Variants in TAFA5 observed in about 807,000 individuals in gnomAD.
The protein encoded by TAFA5 is TAFA chemokine like family member 5, also known as chemokine-like protein TAFA-5.
TAFA5 carries 6 observed loss-of-function variants against 15.3 expected under a neutral mutation model. That is an observed-to-expected ratio of 0.39 (90% CI 0.21 to 0.77). TAFA5 has a LOEUF of 0.77. Ranked by LOEUF, TAFA5 falls within the 30% of genes least tolerant of loss-of-function variation. The pLI, the probability that TAFA5 is intolerant of heterozygous loss-of-function variation, is 0.41. For synonymous variants in TAFA5, 103 were observed against 80.7 expected, an observed-to-expected ratio of 1.28 and a Z score of -1.48; for missense variants, 161 against 193.1, an observed-to-expected ratio of 0.83 and a Z score of 0.98.
chr22:48,722,507 T>C (rs1312130509), intron 3 of TAFA5, among the ~76,000 whole-genome samples: 2 of 149,254 alleles, frequency 1.3e-5, no homozygotes, highest in Non-Finnish European at 3.0e-5. Context: ...AGTTGAACAA[T>C]GAGAACACAT....
intron 1 of TAFA5, among the ~76,000 whole-genome samples, chr22:48,522,293 C>T (rs901863402): frequency 7.2e-5 from 11 of 151,796 alleles, no homozygotes; most frequent in African/African-American, 2.4e-4. Flanking sequence ...GTGGGAAGGG[C>T]GGCAGCTGCC....
At chr22:48,686,445 C>T (rs1222262515) in intron 2 of TAFA5, among the ~76,000 whole-genome samples, 1 of 152,194 alleles carries the variant, frequency 6.6e-6, no homozygotes, top group African/African-American at 2.4e-5. Flanking sequence ...TTTGTAAGGG[C>T]ACTAATTTCA....
Position 48,550,012 on chromosome 22 carries a change from C to T in TAFA5, c.112+60308C>T. On this transcript the variant is annotated intron_variant, in intron 1 of 3. Coordinates refer to ENST00000402357, the MANE Select transcript of TAFA5 (RefSeq NM_001082967.3). This position sits in a 1 kb window ranked among gnomAD's most constrained non-coding sequence, Gnocchi z 4.1. ...CACCCTGTCAGGTACTGTCACATCC[C>T]TCTCCTTCTCAAAGAGAAACCGAGT... Among the ~76,000 whole-genome samples the T allele has an allele frequency of 6.6e-6, 1 of 152,216 alleles. No individual in the cohort carries two copies. The highest frequency in any genetic ancestry group is 2.4e-5 in the African/African-American group (1 of 41,462).
chr22:48,550,135 G>A lies in TAFA5; in HGVS notation c.112+60431G>A, dbSNP rs1156554685. ...GAACTTTGGGGTATGCTGGGCATGG[G>A]TGTAGCAGCCTGTGTGTGTCCACCC... On this transcript the variant is annotated intron_variant, in intron 1 of 3. Transcript: ENST00000402357. The surrounding 1 kb of genome is among the most constrained non-coding windows in gnomAD (Gnocchi z 4.1). Among the ~76,000 whole-genome samples, 2 of 152,234 alleles carry A rather than the reference G, an allele frequency of 1.3e-5. No homozygotes were observed. The highest frequency in any genetic ancestry group is 2.4e-5 in the African/African-American group (1 of 41,462).
At chr22:48,564,820 A>G (rs947368310) in intron 1 of TAFA5, among the ~76,000 whole-genome samples, 11 of 152,180 alleles carry the variant, frequency 7.2e-5, no homozygotes, top group African/African-American at 2.7e-4. Flanking sequence ...TCAGCTGACT[A>G]TAACCAGCAT....
rs557452747 is a variant in TAFA5, at chr22:48,646,871, C to A, written c.262+125C>A. On this transcript the variant is annotated intron_variant, in intron 2 of 3. Transcript: ENST00000402357. ...GCCTCAGCGCATCCTCGGGTCAGGCCCCTGGCTGTTGGCACAGCTGTTCCC... is the reference window on the plus strand; with the variant it reads ...GCCTCAGCGCATCCTCGGGTCAGGCACCTGGCTGTTGGCACAGCTGTTCCC... 7.9e-4 allele frequency: 977 copies of A among 1,242,846 alleles called. 13 individuals are homozygous for A. In the South Asian group the frequency reaches 0.014, roughly 18 times the overall value. 77.0% of individuals were successfully genotyped at this position (1,242,846 alleles called of 1,614,324 possible).
At chr22:48,662,136 C>T (rs571292567) in intron 2 of TAFA5, among the ~76,000 whole-genome samples, 1 of 152,220 alleles carries the variant, frequency 6.6e-6, no homozygotes, top group East Asian at 1.9e-4. Flanking sequence ...TCCAGGTGGA[C>T]GTGGGGCTGG....
rs961531511 is a variant in TAFA5, at chr22:48,750,069, G to A, written c.*222G>A. On this transcript the variant is annotated 3_prime_UTR_variant, in exon 4 of 4. Transcript: ENST00000402357. ...GGACTCAGACACATAGGCGGGGGGC[G>A]GCACCTGGCATCAGCAATACGCAGT... The A allele has an allele frequency of 4.2e-5, 25 of 592,160 alleles. No homozygotes were observed. Among genetic ancestry groups the A allele is most frequent in the South Asian group, 6.0e-5 (3 of 49,726 alleles). The allele number at this position is 592,160 out of a possible 1,614,324, so 36.7% of individuals were successfully genotyped here.
intron 3 of TAFA5, among the ~76,000 whole-genome samples, chr22:48,731,419 A>G (rs1213109924): frequency 1.3e-5 from 2 of 152,238 alleles, no homozygotes; most frequent in East Asian, 1.9e-4. Flanking sequence ...AGAGCCTTCT[A>G]TTGCAAGAAG....
chr22:48,525,585 C>T (rs1921753753), intron 1 of TAFA5, among the ~76,000 whole-genome samples: 1 of 152,230 alleles, frequency 6.6e-6, no homozygotes, highest in African/African-American at 2.4e-5. Context: ...CAGCGGTCCC[C>T]AGGCTTGAGC....
chr22:48,493,736 C>T (rs1019592138), intron 1 of TAFA5, among the ~76,000 whole-genome samples: 34 of 152,248 alleles, frequency 2.2e-4, no homozygotes, highest in African/African-American at 7.0e-4. Context: ...ACATCCATGC[C>T]CTAGGCTCAG....
chr22:48,553,891 C>T (rs892743829), intron 1 of TAFA5, among the ~76,000 whole-genome samples: 6 of 152,176 alleles, frequency 3.9e-5, no homozygotes, highest in East Asian at 1.9e-4. Flanking sequence ...AGGTGATCAC[C>T]GTCCACCTGC....
rs61433915 is a variant in TAFA5, at chr22:48,697,173, A to G, written c.263-10544A>G. 4.8e-3 allele frequency among the ~76,000 whole-genome samples: 733 copies of G among 152,254 alleles called. 12 individuals are homozygous for G. The East Asian group carries it at 0.059, about 12-fold the overall frequency. On this transcript the variant is annotated intron_variant, in intron 2 of 3. Coordinates refer to ENST00000402357, the MANE Select transcript of TAFA5 (RefSeq NM_001082967.3). ...CTGGGGTGCAGTTAGGGCTTGCTTT[A>G]TTATCCCTCTCTGAACCCCAGCATC...
intron 2 of TAFA5, among the ~76,000 whole-genome samples, chr22:48,661,411 A>G (rs527928193): frequency 6.6e-6 from 1 of 152,270 alleles, no homozygotes; most frequent in South Asian, 2.1e-4. Flanking sequence ...ACTCGCCCCG[A>G]TGAGGGGAAA....
At chr22:48,713,375 G>A (rs938306120) in intron 3 of TAFA5, among the ~76,000 whole-genome samples, 2 of 152,216 alleles carry the variant, frequency 1.3e-5, no homozygotes, top group Admixed American at 6.5e-5. Context: ...CCATTCCAGG[G>A]CCTCCGTTGG....
chr22:48,520,869 C>G (rs1361006330), intron 1 of TAFA5, among the ~76,000 whole-genome samples: 1 of 152,156 alleles, frequency 6.6e-6, no homozygotes, highest in Non-Finnish European at 1.5e-5. Context: ...CAGCACATCC[C>G]TCAGGCCAGG....
At chr22:48,608,706 T>C (rs28582251) in intron 1 of TAFA5, among the ~76,000 whole-genome samples, 19,422 of 151,974 alleles carry the variant, frequency 0.13, 1,342 homozygotes, top group African/African-American at 0.17. Context: ...TGGTTGGGGG[T>C]GGTGGAGCCA....
At chr22:48,672,143 G>A (rs1318218773) in intron 2 of TAFA5, among the ~76,000 whole-genome samples, 4 of 152,216 alleles carry the variant, frequency 2.6e-5, no homozygotes, top group Non-Finnish European at 4.4e-5. Flanking sequence ...TTCCTTCTCT[G>A]AACTCTGAGT....
chr22:48,614,187 C>T (rs1467282950), intron 1 of TAFA5, among the ~76,000 whole-genome samples: 1 of 152,202 alleles, frequency 6.6e-6, no homozygotes. Flanking sequence ...AGGGCCTGCG[C>T]AGAGCTGGGG....
Sources: allele counts gnomAD v4.1 joint callset (sites outside exome capture counted in the v4.1 genomes callset), GRCh38; gene constraint gnomAD v4.1.1; non-coding constraint Gnocchi (gnomAD v3.1); transcripts MANE v1.5; gene names NCBI Gene and HGNC (gene_info 2026-07-23, HGNC 2026-07-21).